Variants in MRPL22 observed in about 807,000 individuals in gnomAD.
MRPL22 encodes the protein large ribosomal subunit protein uL22m.
MRPL22 carries 27 observed loss-of-function variants against 32.4 expected under a neutral mutation model. The ratio of observed to expected loss-of-function variants is 0.83; its 90% CI spans 0.61 to 1.15. The LOEUF (loss-of-function observed/expected upper bound fraction) is 1.15. Among genes scored for constraint, MRPL22 ranks in the 50% most tolerant of loss-of-function variants. The pLI, the probability that MRPL22 is intolerant of heterozygous loss-of-function variation, is 0.00. For missense variants in MRPL22, 239 were observed against 260.2 expected (o/e 0.92, Z 0.56); for synonymous variants, 86 against 87.3 (o/e 0.99, Z 0.08).
chr5:154,960,114 AAC>A, intron 6 of MRPL22, 65 bp downstream of exon 6: 1 of 1,178,222 alleles, frequency 8.5e-7, no homozygotes, highest in Non-Finnish European at 1.2e-6. Flanking sequence ...TTTTTTATCT[AAC>A]AACAGTCTTT....
intron 2 of MRPL22, among the ~76,000 whole-genome samples, chr5:154,945,069 T>C (rs150791225): frequency 6.6e-6 from 1 of 152,330 alleles, no homozygotes; most frequent in Non-Finnish European, 1.5e-5. Context: ...CATGGAGTTA[T>C]ATGATCTGAC....
At chr5:154,953,637 A>G (rs1449619056) in intron 3 of MRPL22, among the ~76,000 whole-genome samples, 1 of 151,628 alleles carries the variant, frequency 6.6e-6, no homozygotes, top group African/African-American at 2.4e-5. Flanking sequence ...TACTGATAAT[A>G]ATACCTTAAT....
Position 154,960,063 on chromosome 5 carries a change from T to C in MRPL22, c.409+14T>C, listed in dbSNP as rs775782739. 2 of 1,560,054 alleles carry C rather than the reference T, an allele frequency of 1.3e-6. No homozygotes were observed. Among genetic ancestry groups the C allele is most frequent in the Middle Eastern group, 1.7e-4 (1 of 5,904 alleles). ...ATTTATATATAGGTAAGATTTTTAA[T>C]ATTCTTAGCATTAGAAAATGTCTTC... On this transcript the variant is annotated intron_variant, in intron 6 of 6. Coordinates refer to ENST00000523037, the MANE Select transcript of MRPL22 (RefSeq NM_014180.4).
chr5:154,957,200 A>G lies in MRPL22; in HGVS notation c.327A>G (p.Lys109=), dbSNP rs1248156932. ...AATTCAATGACAAAAAAGGGGCCAA[A>G]ATAATTAAAGAGGTAAACTTACAAG... ...QLEFNDKKGA[K]IIKEVLLEAQ... Residue 109 remains lysine (K), a synonymous_variant, in exon 5 of 7, where the codon AAA becomes AAG. Transcript: ENST00000523037. The G allele has an allele frequency of 6.2e-7, 1 of 1,613,250 alleles. No homozygotes were observed. Among genetic ancestry groups the G allele is most frequent in the Non-Finnish European group, 8.5e-7 (1 of 1,179,228 alleles).
At chr5:154,965,466 C>T (rs1298685482) in intron 6 of MRPL22, among the ~76,000 whole-genome samples, 1 of 150,130 alleles carries the variant, frequency 6.7e-6, no homozygotes, top group African/African-American at 2.5e-5. Flanking sequence ...TGCACTGTCA[C>T]CCGGGCTGGT....
rs969022652 is a variant in MRPL22 at position 154,967,879 on chromosome 5, A to G, written c.*982A>G. 1 of 152,226 alleles carries G rather than the reference A, an allele frequency of 6.6e-6. No individual in the cohort carries two copies. The highest frequency in any genetic ancestry group is 2.4e-5 in the African/African-American group (1 of 41,454). 9.4% of individuals were successfully genotyped at this position (152,226 alleles called of 1,614,324 possible). A position where few individuals can be genotyped will look rare whatever the true frequency, so the allele number is the denominator to read the frequency against. On this transcript the variant is annotated 3_prime_UTR_variant, in exon 7 of 7. Transcript: ENST00000523037. The surrounding 1 kb of genome is among the most constrained non-coding windows in gnomAD (Gnocchi z 4.7). ...TATGGGGGGCTGGTTTCAGAAATCT[A>G]TGTTTTAAACAAACACTTCCAGGTA...
At chr5:154,947,669 G>A (rs1582688310) in intron 2 of MRPL22, among the ~76,000 whole-genome samples, 1 of 152,154 alleles carries the variant, frequency 6.6e-6, no homozygotes, top group Non-Finnish European at 1.5e-5. Flanking sequence ...ATTGTTCTTG[G>A]TGCTAGAATA....
chr5:154,941,351 C>T (rs1764412861), intron 2 of MRPL22, 86 bp downstream of exon 2: 2 of 1,546,472 alleles, frequency 1.3e-6, no homozygotes, highest in Admixed American at 3.6e-5. Context: ...CCGTGCCTAA[C>T]TGTGTTTTAG....
At chr5:154,946,979 A>G (rs1764500377) in intron 2 of MRPL22, among the ~76,000 whole-genome samples, 1 of 152,162 alleles carries the variant, frequency 6.6e-6, no homozygotes, top group African/African-American at 2.4e-5. Flanking sequence ...TTTAAAAATA[A>G]CACTAGCCAT....
At chr5:154,957,256 G>T (rs1195003809) in intron 5 of MRPL22, 44 bp downstream of exon 5, 1 of 1,485,186 alleles carries the variant, frequency 6.7e-7, no homozygotes, top group Non-Finnish European at 9.4e-7. Flanking sequence ...GGGAACTGGG[G>T]AATGCAGCTG....
chr5:154,948,576 T>C lies in MRPL22; in HGVS notation c.78-2245T>C, dbSNP rs939432964. ...AATCTAGGGGCTTGAGCCCCCAGTT[T>C]CATTTTGGGCAGGAAAGACTACTTT... On this transcript the variant is annotated intron_variant, in intron 2 of 6. Transcript: ENST00000523037. Among the ~76,000 whole-genome samples, 4 of 152,254 alleles carry C rather than the reference T, an allele frequency of 2.6e-5. No individual in the cohort carries two copies. In the East Asian group the frequency reaches 7.7e-4, roughly 29 times the overall value.
At chr5:154,947,385 T>C (rs1454945611) in intron 2 of MRPL22, among the ~76,000 whole-genome samples, 3 of 152,226 alleles carry the variant, frequency 2.0e-5, no homozygotes, top group African/African-American at 7.2e-5. Flanking sequence ...CATTGGAACC[T>C]AAATGTGGAT....
At chr5:154,953,531 C>T (rs953246377) in intron 3 of MRPL22, among the ~76,000 whole-genome samples, 12 of 151,844 alleles carry the variant, frequency 7.9e-5, no homozygotes, top group African/African-American at 2.4e-4. Context: ...GGTCAAAACT[C>T]TTTGAGCTAC....
At chr5:154,951,738 T>C (rs1764564709) in intron 3 of MRPL22, among the ~76,000 whole-genome samples, 2 of 152,004 alleles carry the variant, frequency 1.3e-5, no homozygotes, top group Non-Finnish European at 2.9e-5. Flanking sequence ...GGTTTCACCA[T>C]GTTGGCCAGG....
At chr5:154,954,936 C>T (rs1191983069) in intron 3 of MRPL22, among the ~76,000 whole-genome samples, 3 of 151,932 alleles carry the variant, frequency 2.0e-5, no homozygotes, top group East Asian at 3.9e-4. Flanking sequence ...GGACCACAGG[C>T]GCCGGCCACC....
intron 2 of MRPL22, among the ~76,000 whole-genome samples, chr5:154,943,349 G>T (rs751989905): frequency 1.3e-4 from 19 of 151,718 alleles, no homozygotes; most frequent in Non-Finnish European, 1.9e-4. Flanking sequence ...GGGCTCAAGT[G>T]ATCCTCCTGC....
chr5:154,960,738 T>A (rs1189359994), intron 6 of MRPL22, among the ~76,000 whole-genome samples: 1 of 152,248 alleles, frequency 6.6e-6, no homozygotes, highest in Non-Finnish European at 1.5e-5. Flanking sequence ...AGAAGGAGAT[T>A]AATGTTTATT....
chr5:154,967,171 G>T lies in MRPL22; in HGVS notation c.*274G>T, dbSNP rs1228060865. On this transcript the variant is annotated 3_prime_UTR_variant, in exon 7 of 7. Coordinates refer to ENST00000523037, the MANE Select transcript of MRPL22 (RefSeq NM_014180.4). The surrounding 1 kb of genome is among the most constrained non-coding windows in gnomAD (Gnocchi z 4.7). ...TTTTGGAGTAACTTTGAAAGGGAAT[G>T]TTAACTTTCCAACTAGTGTCCTGCA... is the stretch of plus-strand genomic sequence containing the variant. The T allele has an allele frequency of 2.5e-6, 1 of 396,058 alleles. No individual in the cohort carries two copies. 24.5% of individuals were successfully genotyped at this position (396,058 alleles called of 1,614,324 possible).
At chr5:154,962,611 C>G (rs1334741741) in intron 6 of MRPL22, among the ~76,000 whole-genome samples, 2 of 152,150 alleles carry the variant, frequency 1.3e-5, no homozygotes, top group Non-Finnish European at 2.9e-5. Context: ...CTTTCAAATG[C>G]CTGTCATTGG....
Sources: allele counts gnomAD v4.1 joint callset (sites outside exome capture counted in the v4.1 genomes callset), GRCh38; gene constraint gnomAD v4.1.1; non-coding constraint Gnocchi (gnomAD v3.1); transcripts MANE v1.5; gene names NCBI Gene and HGNC (gene_info 2026-07-23, HGNC 2026-07-21).